The following ACTR10 variants were observed in gnomAD, a reference collection of about 807,000 sequenced individuals.
ACTR10 encodes actin related protein 10, also known as actin-related protein 10.
A neutral mutation model predicts 56.2 loss-of-function variants in ACTR10; 43 were observed. The ratio of observed to expected loss-of-function variants is 0.77; its 90% CI spans 0.60 to 0.99. The LOEUF (loss-of-function observed/expected upper bound fraction) is 0.99. Ranked by LOEUF, ACTR10 falls within the 50% of genes least tolerant of loss-of-function variation. The probability of loss-of-function intolerance (pLI) is 0.00; values close to 1 mark genes in which losing one functional copy is unlikely to be tolerated. For synonymous variants in ACTR10, 170 were observed against 176.3 expected, an observed-to-expected ratio of 0.96 and a Z score of 0.28; for missense variants, 466 against 507.8, an observed-to-expected ratio of 0.92 and a Z score of 0.79.
At chr14:58,226,470 G>A (rs1889403927) in intron 10 of ACTR10, among the ~76,000 whole-genome samples, 1 of 149,760 alleles carries the variant, frequency 6.7e-6, no homozygotes. Flanking sequence ...ACATGGAATT[G>A]TTGGTTCCAA....
In ACTR10 at chr14:58,204,064, C is replaced by T. The variant is rs141062681; in HGVS notation, c.150+1137C>T. Among the ~76,000 whole-genome samples, 945 of 152,062 alleles carry T rather than the reference C, an allele frequency of 6.2e-3. 11 individuals are homozygous for T. Among genetic ancestry groups the T allele is most frequent in the African/African-American group, 0.021 (889 of 41,486 alleles). ...AGGATTGGCAGGCAGCTGAGTGTGG[C>T]TGGAGGCTGTCTTAGGGAATATTAA... is the stretch of plus-strand genomic sequence containing the variant. On this transcript the variant is annotated intron_variant, in intron 2 of 12. Transcript: ENST00000254286.
intron 7 of ACTR10, among the ~76,000 whole-genome samples, chr14:58,216,318 T>A (rs570248206): frequency 1.1e-4 from 17 of 152,246 alleles, no homozygotes; most frequent in African/African-American, 3.9e-4. Flanking sequence ...TTTGTAGAGA[T>A]GGGGTTTTGC....
intron 5 of ACTR10, among the ~76,000 whole-genome samples, chr14:58,211,608 C>G (rs1252794508): frequency 6.6e-6 from 1 of 151,972 alleles, no homozygotes; most frequent in Admixed American, 6.6e-5. Flanking sequence ...AGGATATACT[C>G]CAGGAGTATA....
intron 10 of ACTR10, among the ~76,000 whole-genome samples, chr14:58,226,477 C>A (rs1256020095): frequency 6.7e-6 from 1 of 150,266 alleles, no homozygotes; most frequent in Non-Finnish European, 1.5e-5. Context: ...ATTGTTGGTT[C>A]CAAAATAATA....
At chr14:58,232,571 A>G (rs1889571359) in intron 12 of ACTR10, among the ~76,000 whole-genome samples, 1 of 151,428 alleles carries the variant, frequency 6.6e-6, no homozygotes, top group Non-Finnish European at 1.5e-5. Context: ...GTGCACCACC[A>G]CGCCCAGCTA....
At chr14:58,211,436 T>C (rs774698248) in intron 5 of ACTR10, 37 bp downstream of exon 5, 7 of 1,424,564 alleles carry the variant, frequency 4.9e-6, no homozygotes, top group Admixed American at 3.4e-5. Flanking sequence ...TTGCAGTTTT[T>C]ACTCTACTTT....
At chr14:58,210,052 C>T (rs904263500) in intron 4 of ACTR10, among the ~76,000 whole-genome samples, 1 of 152,128 alleles carries the variant, frequency 6.6e-6, no homozygotes, top group Non-Finnish European at 1.5e-5. Flanking sequence ...TAAAGCAAAA[C>T]AAGAAGTCGT....
At chr14:58,202,356 C>T (rs1222545211) in intron 1 of ACTR10, among the ~76,000 whole-genome samples, 2 of 150,676 alleles carry the variant, frequency 1.3e-5, no homozygotes, top group East Asian at 1.9e-4. Context: ...CCGACGCGGG[C>T]GGGTCACGAG....
intron 8 of ACTR10, among the ~76,000 whole-genome samples, chr14:58,221,299 A>T (rs1331667343): frequency 4.9e-5 from 7 of 143,534 alleles, no homozygotes; most frequent in Admixed American, 4.8e-4. Flanking sequence ...AAAAAAAAAA[A>T]AAAATATATG....
At position 58,208,906 on chromosome 14, in the gene ACTR10, C is replaced by G. The variant is rs1489151140; in HGVS notation, c.234-93C>G. On this transcript the variant is annotated intron_variant, in intron 3 of 12. Transcript: ENST00000254286. ...TCTTTTTGTGATAAAATATCTTAAGCTAAGGTAGTACAGTTTCACTGTTCT... is the reference window on the plus strand; with the variant it reads ...TCTTTTTGTGATAAAATATCTTAAGGTAAGGTAGTACAGTTTCACTGTTCT... The G allele has an allele frequency of 1.9e-5, 14 of 754,358 alleles. No individual in the cohort carries two copies. In the South Asian group the frequency reaches 2.0e-4, roughly 11 times the overall value. 46.7% of individuals were successfully genotyped at this position (754,358 alleles called of 1,614,324 possible).
intron 4 of ACTR10, chr14:58,209,376 T>G (rs548174375): frequency 5.0e-6 from 1 of 199,888 alleles, no homozygotes; most frequent in South Asian, 1.5e-4. Flanking sequence ...ATCCAACACT[T>G]ACATAATTGG....
At chr14:58,228,829 C>G (rs551142271) in intron 10 of ACTR10, among the ~76,000 whole-genome samples, 1 of 151,502 alleles carries the variant, frequency 6.6e-6, no homozygotes, top group South Asian at 2.1e-4. Flanking sequence ...TAGGCATGAG[C>G]CATTGCATCT....
intron 5 of ACTR10, among the ~76,000 whole-genome samples, chr14:58,212,227 GA>G (rs1889020515): frequency 6.6e-6 from 1 of 152,094 alleles, no homozygotes; most frequent in South Asian, 2.1e-4. Flanking sequence ...TTCAGCATAG[GA>G]TTTGGCACAT....
intron 2 of ACTR10, among the ~76,000 whole-genome samples, chr14:58,205,298 T>C (rs1159968017): frequency 1.3e-5 from 2 of 151,194 alleles, no homozygotes; most frequent in African/African-American, 4.9e-5. Flanking sequence ...ATTTGGCATT[T>C]ACATACATCA....
chr14:58,211,783 A>G (rs190438498), intron 5 of ACTR10, among the ~76,000 whole-genome samples: 3 of 152,232 alleles, frequency 2.0e-5, no homozygotes, highest in African/African-American at 7.2e-5. Context: ...ACATGAAATC[A>G]GCCTTCAAAC....
chr14:58,219,095 C>T (rs1290260821), intron 7 of ACTR10, among the ~76,000 whole-genome samples: 2 of 152,188 alleles, frequency 1.3e-5, no homozygotes, highest in East Asian at 3.9e-4. Context: ...GCTGGGATTA[C>T]AGGCGTGAGC....
chr14:58,205,529 A>G (rs1170456838), intron 2 of ACTR10, among the ~76,000 whole-genome samples: 1 of 151,762 alleles, frequency 6.6e-6, no homozygotes, highest in Non-Finnish European at 1.5e-5. Context: ...GTTAGCCAGA[A>G]TGGTCTGTAT....
intron 5 of ACTR10, among the ~76,000 whole-genome samples, chr14:58,212,107 G>A (rs1889015734): frequency 6.6e-6 from 1 of 152,056 alleles, no homozygotes. Context: ...ACTTGGTCAG[G>A]TAGCTTAATC....
chr14:58,224,322 T>A (rs1374368158), intron 10 of ACTR10, among the ~76,000 whole-genome samples: 2 of 151,862 alleles, frequency 1.3e-5, no homozygotes, highest in African/African-American at 2.4e-5. Flanking sequence ...TTTAAATTTT[T>A]AAAAATAAAA....
Sources: allele counts gnomAD v4.1 joint callset (sites outside exome capture counted in the v4.1 genomes callset), GRCh38; gene constraint gnomAD v4.1.1; transcripts MANE v1.5; gene names NCBI Gene and HGNC (gene_info 2026-07-23, HGNC 2026-07-21).